SRGAP2: variants seen among roughly 807,000 people sequenced by gnomAD.
SRGAP2 encodes the protein SLIT-ROBO Rho GTPase activating protein 2.
A neutral mutation model predicts 57.2 loss-of-function variants in SRGAP2; 15 were observed. That is an observed-to-expected ratio of 0.26 (90% CI 0.18 to 0.40). SRGAP2 has a LOEUF of 0.40. Among genes scored for constraint, SRGAP2 ranks in the 10% least tolerant of loss-of-function variants. The pLI is 1.00. For missense variants in SRGAP2, 520 were observed against 669.6 expected, an observed-to-expected ratio of 0.78 and a Z score of 2.47; for synonymous variants, 249 against 248.0, an observed-to-expected ratio of 1.00 and a Z score of -0.04.
intron 4 of SRGAP2, among the ~76,000 whole-genome samples, chr1:206,375,676 C>T (rs1655131264): frequency 6.6e-6 from 1 of 152,086 alleles, no homozygotes; most frequent in Non-Finnish European, 1.5e-5. Context: ...GGGCCGTTAG[C>T]CTCTTCCTGA....
intron 3 of SRGAP2, among the ~76,000 whole-genome samples, chr1:206,322,345 G>A (rs1364234703): frequency 3.1e-4 from 45 of 146,060 alleles, no homozygotes; most frequent in African/African-American, 1.0e-3. Context: ...AGGCCGAGGC[G>A]GGCCGATCAT....
chr1:206,411,070 CAG>C (rs1553359410), intron 10 of SRGAP2, among the ~76,000 whole-genome samples: 2 of 152,182 alleles, frequency 1.3e-5, no homozygotes, highest in Non-Finnish European at 2.9e-5. Context: ...CTATGTTGGC[CAG>C]GCTGGTCTCA....
chr1:206,296,751 T>C (rs1251366805), intron 2 of SRGAP2: 1 of 151,782 alleles, frequency 6.6e-6, no homozygotes, highest in Non-Finnish European at 1.5e-5. Flanking sequence ...CCTTACTTAA[T>C]AGAGTAAAGT....
chr1:206,307,908 A>G (rs1295060073), intron 3 of SRGAP2, among the ~76,000 whole-genome samples: 27 of 151,576 alleles, frequency 1.8e-4, no homozygotes, highest in African/African-American at 6.1e-4. Flanking sequence ...CCCACAGTGC[A>G]GGGGGGGGTG....
chr1:206,247,080 G>C (rs1347211306), intron 2 of SRGAP2, among the ~76,000 whole-genome samples: 4 of 138,122 alleles, frequency 2.9e-5, no homozygotes, highest in African/African-American at 1.1e-4. Context: ...GTGAGCCCAG[G>C]GCTGCGCCAG....
At chr1:206,293,105 G>A (rs1364313629) in intron 2 of SRGAP2, among the ~76,000 whole-genome samples, 2 of 152,190 alleles carry the variant, frequency 1.3e-5, no homozygotes, top group Non-Finnish European at 2.9e-5. Context: ...TTTTCAACTC[G>A]ATTGTGTTGG....
chr1:206,417,414 CTTTTTTT>C (rs1219905489), intron 11 of SRGAP2, among the ~76,000 whole-genome samples: 1 of 110,776 alleles, frequency 9.0e-6, no homozygotes, highest in Middle Eastern at 5.1e-3. Context: ...GATCTTATGA[CTTTTTTT>C]TTTTTTTTTT....
chr1:206,390,039 TATA>T (rs1279216892), intron 5 of SRGAP2, among the ~76,000 whole-genome samples: 1 of 144,794 alleles, frequency 6.9e-6, no homozygotes, highest in African/African-American at 2.5e-5. Context: ...CTATCTTGAC[TATA>T]AATATATATT....
At chr1:206,221,272 T>C (rs1553304641) in intron 2 of SRGAP2, among the ~76,000 whole-genome samples, 1 of 150,236 alleles carries the variant, frequency 6.7e-6, no homozygotes, top group East Asian at 1.9e-4. Flanking sequence ...GCTGTGGGCA[T>C]AGAGAGATAC....
At chr1:206,410,352 C>G (rs1659106571) in intron 10 of SRGAP2, among the ~76,000 whole-genome samples, 1 of 152,202 alleles carries the variant, frequency 6.6e-6, no homozygotes, top group African/African-American at 2.4e-5. Flanking sequence ...CATAGTTCAT[C>G]AATGTCTACT....
intron 19 of SRGAP2, among the ~76,000 whole-genome samples, chr1:206,451,246 C>T (rs1037729949): frequency 2.0e-5 from 3 of 152,124 alleles, no homozygotes; most frequent in Middle Eastern, 3.4e-3. Flanking sequence ...TCACGCCTAC[C>T]GACTGGAAAA....
At chr1:206,338,256 G>A (rs1553334249) in intron 3 of SRGAP2, among the ~76,000 whole-genome samples, 3 of 42,886 alleles carry the variant, frequency 7.0e-5, no homozygotes, top group Non-Finnish European at 9.7e-5. Context: ...ATTCCTAAGG[G>A]ATGCAGACCC....
chr1:206,266,423 A>G (rs1419140736), intron 2 of SRGAP2, among the ~76,000 whole-genome samples: 9 of 151,760 alleles, frequency 5.9e-5, no homozygotes, highest in Non-Finnish European at 1.0e-4. Context: ...TTGTATTTTT[A>G]GTAGAGATGG....
intron 2 of SRGAP2, among the ~76,000 whole-genome samples, chr1:206,230,603 G>C (rs1667570225): frequency 3.3e-5 from 5 of 152,054 alleles, no homozygotes; most frequent in Admixed American, 2.0e-4. Flanking sequence ...ACAAGACAGA[G>C]GAAGTCCCTG....
rs1400989257 is a variant in SRGAP2, at chr1:206,286,267, A to C, written c.68-17014A>C. The stretch of plus-strand genomic sequence containing the variant: ...AATAATGAAGGAAAAACACTTGTCA[A>C]AATATAGCAGAGGTGACTAGATAAT... On this transcript the variant is annotated intron_variant, in intron 2 of 22. Transcript: ENST00000573034. Among the ~76,000 whole-genome samples the C allele has an allele frequency of 4.6e-5, 7 of 151,918 alleles. No homozygotes were observed. In the East Asian group the frequency reaches 7.7e-4, roughly 17 times the overall value.
rs577759975 is a variant in SRGAP2, at chr1:206,412,550, A to G, written c.1357-3339A>G. ...AAGGAAGGAAAAAGAACTACCTAAT[A>G]TTGGAACATGCCCTAAGTAAGGAGA... On this transcript the variant is annotated intron_variant, in intron 10 of 22. Transcript: ENST00000573034. Among the ~76,000 whole-genome samples the G allele has an allele frequency of 1.6e-4, 25 of 152,352 alleles. No homozygotes were observed. In the East Asian group the frequency reaches 4.6e-3, roughly 28 times the overall value.
At chr1:206,252,143 T>C (rs1668875558) in intron 2 of SRGAP2, among the ~76,000 whole-genome samples, 1 of 106,608 alleles carries the variant, frequency 9.4e-6, no homozygotes, top group Non-Finnish European at 1.9e-5. Flanking sequence ...CCCTGATCCT[T>C]AGAGGCAGAG....
At chr1:206,311,993 A>G (rs1232014733) in intron 3 of SRGAP2, among the ~76,000 whole-genome samples, 2 of 152,084 alleles carry the variant, frequency 1.3e-5, no homozygotes, top group African/African-American at 2.4e-5. Flanking sequence ...TGGAGTGACA[A>G]TAGTACTGTA....
In SRGAP2 at chr1:206,446,258, G is replaced by A. The variant is rs782541490; in HGVS notation, c.2058G>A (p.Glu686=). 2 of 780,818 alleles carry A rather than the reference G, an allele frequency of 2.6e-6. No homozygotes were observed. Among genetic ancestry groups the A allele is most frequent in the Non-Finnish European group, 4.8e-6 (2 of 418,018 alleles). The allele number at this position is 780,818 out of a possible 1,614,324, so 48.4% of individuals were successfully genotyped here. A position where few individuals can be genotyped will look rare whatever the true frequency, so the allele number is the denominator to read the frequency against. Residue 686 remains glutamate (E), a synonymous_variant, in exon 18 of 23, where the codon GAG becomes GAA. Transcript: ENST00000573034. ...TCTTCCCAAGCCCCAGGGAGCTGGA[G>A]GGCCCTGTCTACAGCAGAGGAGGAA... is the stretch of plus-strand genomic sequence containing the variant. ...ENIFPSPREL[E]GPVYSRGGSM...
Sources: allele counts gnomAD v4.1 joint callset (sites outside exome capture counted in the v4.1 genomes callset), GRCh38; gene constraint gnomAD v4.1.1; transcripts MANE v1.5; gene names NCBI Gene and HGNC (gene_info 2026-07-23, HGNC 2026-07-21).